The following RYR2 variants were observed in gnomAD, a reference collection of about 807,000 sequenced individuals.
RYR2 encodes the protein ryanodine receptor 2.
Under a neutral mutation model 601.1 loss-of-function variants are expected in RYR2, and 227 were observed. That is an observed-to-expected ratio of 0.38 (90% CI 0.34 to 0.42). RYR2 has a LOEUF of 0.42. Among genes scored for constraint, RYR2 ranks in the 10% least tolerant of loss-of-function variants. The pLI is 1.00. For synonymous variants in RYR2, 2,223 were observed against 2,175.1 expected, an observed-to-expected ratio of 1.02 and a Z score of -0.61; for missense variants, 4,646 against 6,156.5, an observed-to-expected ratio of 0.75 and a Z score of 8.21.
intron 44 of RYR2, among the ~76,000 whole-genome samples, chr1:237,636,944 T>C (rs1680936846): frequency 1.3e-5 from 2 of 152,170 alleles, no homozygotes; most frequent in South Asian, 2.1e-4. Context: ...CAGAAAGATA[T>C]ATGCTGCATG....
intron 3 of RYR2, among the ~76,000 whole-genome samples, chr1:237,347,803 A>G (rs1698428740): frequency 6.6e-6 from 1 of 152,190 alleles, no homozygotes; most frequent in South Asian, 2.1e-4. Flanking sequence ...CAGAAGTTTT[A>G]AAAGGATTAA....
intron 1 of RYR2, among the ~76,000 whole-genome samples, chr1:237,185,435 C>G (rs931671045): frequency 3.3e-5 from 5 of 152,170 alleles, no homozygotes; most frequent in Admixed American, 2.6e-4. Context: ...ATATCTAAAA[C>G]AGAACTCATT....
At chr1:237,431,986 G>A (rs1206674497) in intron 12 of RYR2, among the ~76,000 whole-genome samples, 2 of 152,074 alleles carry the variant, frequency 1.3e-5, no homozygotes, top group African/African-American at 2.4e-5. Flanking sequence ...TATTCTGTGA[G>A]TAAGTTAACC....
At chr1:237,670,886 A>G (rs746293995) in intron 58 of RYR2, among the ~76,000 whole-genome samples, 11 of 152,218 alleles carry the variant, frequency 7.2e-5, no homozygotes, top group Admixed American at 5.2e-4. Context: ...ATTTTGGAAC[A>G]TTTGGATTTC....
chr1:237,786,753 G>A (rs937593048), intron 91 of RYR2, among the ~76,000 whole-genome samples: 3 of 152,218 alleles, frequency 2.0e-5, no homozygotes, highest in Admixed American at 2.0e-4. Flanking sequence ...GGGGAAGAAA[G>A]AAAGGAAGCT....
At chr1:237,795,252 AT>A in intron 95 of RYR2, 36 bp from the exon 96 acceptor site, 1 of 1,006,404 alleles carries the variant, frequency 9.9e-7, no homozygotes, top group South Asian at 1.7e-5. Flanking sequence ...GTCATTAAAA[AT>A]AATACTATTT....
At chr1:237,712,773 C>T (rs1042904923) in intron 71 of RYR2, among the ~76,000 whole-genome samples, 2 of 152,112 alleles carry the variant, frequency 1.3e-5, no homozygotes, top group Admixed American at 6.6e-5. Flanking sequence ...CTCTGTCACT[C>T]GTATTGGGGA....
intron 27 of RYR2, 65 bp from the exon 28 acceptor site, chr1:237,566,502 G>T: frequency 6.9e-7 from 1 of 1,455,380 alleles, no homozygotes; most frequent in South Asian, 1.2e-5. Flanking sequence ...TTTTATTTAT[G>T]ATATCTTTCC....
chr1:237,457,366 A>T (rs1010124450), intron 16 of RYR2, among the ~76,000 whole-genome samples: 1 of 152,184 alleles, frequency 6.6e-6, no homozygotes, highest in Non-Finnish European at 1.5e-5. Context: ...CTGCAAACAC[A>T]GCTCCTCATT....
rs1338386727 is a variant in RYR2, at chr1:237,717,246, C to A, written c.10372C>A (p.Arg3458=). The A allele has an allele frequency of 6.2e-7, 1 of 1,613,660 alleles. No individual in the cohort carries two copies. The highest frequency in any genetic ancestry group is 8.5e-7 in the Non-Finnish European group (1 of 1,179,692). Residue 3458 remains arginine, a synonymous_variant, in exon 72 of 105, where the codon CGG becomes AGG. Coordinates refer to ENST00000366574, the MANE Select transcript of RYR2 (RefSeq NM_001035.3). ...ERKKMKRKGD[R]YSMQTSLIVA... Reference sequence around the variant, plus strand: ...GAAGAAAATGAAGCGCAAAGGAGATCGGTATTCCATGCAGACCTCTCTGAT... The same window carrying A: ...GAAGAAAATGAAGCGCAAAGGAGATAGGTATTCCATGCAGACCTCTCTGAT...
At chr1:237,774,102 C>T (rs1017050104) in intron 87 of RYR2, among the ~76,000 whole-genome samples, 7 of 152,014 alleles carry the variant, frequency 4.6e-5, no homozygotes, top group African/African-American at 1.2e-4. Context: ...TTTTTTACAT[C>T]GATTTGTTTT....
chr1:237,571,470 A>G (rs556595985), intron 29 of RYR2, among the ~76,000 whole-genome samples: 1 of 152,072 alleles, frequency 6.6e-6, no homozygotes, highest in African/African-American at 2.4e-5. Context: ...GTGTGCCAAC[A>G]CGCCTCGCTA....
chr1:237,768,587 T>C (rs980704704), intron 84 of RYR2, among the ~76,000 whole-genome samples: 3 of 152,200 alleles, frequency 2.0e-5, no homozygotes, highest in African/African-American at 7.2e-5. Flanking sequence ...AAGAGCACTT[T>C]CAACTACATG....
chr1:237,719,904 A>C (rs1051827815), intron 73 of RYR2, among the ~76,000 whole-genome samples: 1 of 152,206 alleles, frequency 6.6e-6, no homozygotes, highest in African/African-American at 2.4e-5. Flanking sequence ...GCAGGGACAC[A>C]GATCCACACT....
intron 2 of RYR2, among the ~76,000 whole-genome samples, chr1:237,301,060 T>C (rs938427632): frequency 1.3e-5 from 2 of 152,168 alleles, no homozygotes; most frequent in African/African-American, 2.4e-5. Flanking sequence ...ATAGAAATTA[T>C]GAACACATGG....
intron 1 of RYR2, among the ~76,000 whole-genome samples, chr1:237,147,868 CAGTT>C (rs1418050019): frequency 2.6e-5 from 4 of 152,190 alleles, no homozygotes; most frequent in Non-Finnish European, 5.9e-5. Flanking sequence ...GTTGGGATAA[CAGTT>C]AGTGATGGGA....
intron 1 of RYR2, among the ~76,000 whole-genome samples, chr1:237,223,470 A>G (rs564433105): frequency 6.6e-6 from 1 of 152,374 alleles, no homozygotes; most frequent in South Asian, 2.1e-4. Context: ...TTAAGGCATT[A>G]AATCAATTTT....
rs397516518 is a variant in RYR2 at position 237,456,575 on chromosome 1, A to ATT, written c.1477-12_1477-11dup. 12,850 of 1,358,554 alleles carry ATT rather than the reference A, an allele frequency of 9.5e-3. 42 individuals are homozygous for ATT. Among genetic ancestry groups the ATT allele is most frequent in the East Asian group, 0.073 (2,701 of 36,928 alleles). The allele number at this position is 1,358,554 out of a possible 1,614,324, so 84.2% of individuals were successfully genotyped here. A position where few individuals can be genotyped will look rare whatever the true frequency, so the allele number is the denominator to read the frequency against. On this transcript the variant is annotated intron_variant, in intron 15 of 104. Coordinates refer to ENST00000366574, the MANE Select transcript of RYR2 (RefSeq NM_001035.3). ...TGACAGTTTTGGATGTCTGATTGTG[A>ATT]TTTTTTTTTTTTTTAACGTTCCAGG...
chr1:237,754,021 A>T (rs151260077), intron 80 of RYR2, among the ~76,000 whole-genome samples: 1,648 of 152,148 alleles, frequency 0.011, 18 homozygotes, highest in Middle Eastern at 0.02. Context: ...GAAAGAAATA[A>T]TATTAAAGAA....
Sources: allele counts gnomAD v4.1 joint callset (sites outside exome capture counted in the v4.1 genomes callset), GRCh38; gene constraint gnomAD v4.1.1; transcripts MANE v1.5; gene names NCBI Gene and HGNC (gene_info 2026-07-23, HGNC 2026-07-21).